The following PDE10A variants were observed in gnomAD, a reference collection of about 807,000 sequenced individuals.
PDE10A encodes cAMP and cAMP-inhibited cGMP 3',5'-cyclic phosphodiesterase 10A.
PDE10A carries 39 observed loss-of-function variants against 97.7 expected under a neutral mutation model. The ratio of observed to expected loss-of-function variants is 0.40; its 90% CI spans 0.31 to 0.52. PDE10A has a LOEUF of 0.52. PDE10A is among the 20% of genes least tolerant of loss of function. The pLI is 0.56. For missense variants in PDE10A, 731 were observed against 1,047.8 expected (o/e 0.70, Z 4.17); for synonymous variants, 371 against 376.8 (o/e 0.98, Z 0.18).
At chr6:165,785,330 A>G (rs1778464757) in intron 1 of PDE10A, among the ~76,000 whole-genome samples, 1 of 152,178 alleles carries the variant, frequency 6.6e-6, no homozygotes, top group African/African-American at 2.4e-5. Flanking sequence ...TTTCTAGACT[A>G]TGGACAGAAT....
chr6:165,561,452 T>G (rs553467714), intron 1 of PDE10A, among the ~76,000 whole-genome samples: 3 of 152,258 alleles, frequency 2.0e-5, no homozygotes, highest in South Asian at 4.1e-4. Context: ...ACAATAAGCC[T>G]ACAGTTCAAT....
chr6:165,946,207 A>G (rs1351837593), intron 1 of PDE10A, among the ~76,000 whole-genome samples: 1 of 152,192 alleles, frequency 6.6e-6, no homozygotes, highest in Non-Finnish European at 1.5e-5. Flanking sequence ...TAATAAGAAT[A>G]TATTGTCGGC....
At position 165,668,791 on chromosome 6, in the gene PDE10A, G is replaced by A. The variant is rs138543652; in HGVS notation, c.-614-125223C>T. ...AGGTAGGAAGGGAGGGAGGGAGGGA[G>A]GAAGGGGAAGGAAAGGAGGGAGGGA... On this transcript the variant is annotated intron_variant, in intron 1 of 19. Transcript: ENST00000366882. Among the ~76,000 whole-genome samples, 979 of 138,838 alleles carry A rather than the reference G, an allele frequency of 7.1e-3. 6 individuals are homozygous for A. The highest frequency in any genetic ancestry group is 0.024 in the African/African-American group (922 of 38,450). 91.1% of individuals were successfully genotyped at this position (138,838 alleles called of 152,430 possible).
chr6:165,418,706 T>A lies in PDE10A; in HGVS notation c.1725A>T (p.Leu575Phe). 1 of 1,613,730 alleles carries A rather than the reference T, an allele frequency of 6.2e-7. No individual in the cohort carries two copies. Among genetic ancestry groups the A allele is most frequent in the Non-Finnish European group, 8.5e-7 (1 of 1,179,738 alleles). Residue 575 changes from leucine to phenylalanine, a missense_variant, in exon 11 of 22, where the codon TTA (leucine) becomes TTT (phenylalanine). Physicochemically the swap from Leu to Phe is conservative, Grantham distance 22. Coordinates refer to ENST00000539869, the MANE Select transcript of PDE10A (RefSeq NM_001385079.1). The surrounding 1 kb of genome is among the most constrained non-coding windows in gnomAD (Gnocchi z 4.8). Reference sequence around the variant, plus strand: ...CTCCAATATCAAAAAGGTCTGAATATAACTCCTTGTTCTTATGGTCCACCT... The same window carrying A: ...CTCCAATATCAAAAAGGTCTGAATAAAACTCCTTGTTCTTATGGTCCACCT... The part of the protein sequence containing the change: ...LFQVDHKNKE[L>F]YSDLFDIGEE...
intron 1 of PDE10A, among the ~76,000 whole-genome samples, chr6:165,615,461 G>C (rs1787686820): frequency 6.6e-6 from 1 of 152,012 alleles, no homozygotes; most frequent in Non-Finnish European, 1.5e-5. Context: ...TTCTACGTGT[G>C]ACAAACAGAA....
At chr6:165,761,199 C>T (rs377656125) in intron 1 of PDE10A, among the ~76,000 whole-genome samples, 6 of 152,308 alleles carry the variant, frequency 3.9e-5, no homozygotes, top group African/African-American at 1.4e-4. Flanking sequence ...TTTTCTAACC[C>T]TTCAAAGTGT....
chr6:165,691,099 T>C (rs9459475), intron 1 of PDE10A, among the ~76,000 whole-genome samples: 38,744 of 52,254 alleles, frequency 0.74, 14,810 homozygotes, highest in Non-Finnish European at 0.82. Context: ...CTCTCTCTCT[T>C]TCTCTCTCCC....
chr6:165,503,672 TAGAA>T (rs746440611), intron 2 of PDE10A, among the ~76,000 whole-genome samples: 5 of 152,190 alleles, frequency 3.3e-5, no homozygotes, highest in Admixed American at 6.5e-5. Context: ...GAAGAAAAGT[TAGAA>T]AGAAGCCATT....
chr6:165,736,920 A>G (rs1449244987), intron 1 of PDE10A, among the ~76,000 whole-genome samples: 2 of 152,228 alleles, frequency 1.3e-5, no homozygotes, highest in African/African-American at 2.4e-5. Flanking sequence ...TTGACTAACA[A>G]AAAAGAGCAC....
intron 1 of PDE10A, among the ~76,000 whole-genome samples, chr6:165,890,050 C>T (rs1211541667): frequency 1.3e-4 from 18 of 136,002 alleles, no homozygotes; most frequent in Non-Finnish European, 1.9e-4. Flanking sequence ...CTCCCTCACT[C>T]TTCACTCCTC....
chr6:165,905,098 C>T (rs1310216167), intron 1 of PDE10A, among the ~76,000 whole-genome samples: 1 of 152,146 alleles, frequency 6.6e-6, no homozygotes, highest in African/African-American at 2.4e-5. Flanking sequence ...CTCCAAACTA[C>T]CACAGATGTA....
intron 1 of PDE10A, among the ~76,000 whole-genome samples, chr6:165,617,744 C>T (rs1267318247): frequency 6.6e-6 from 1 of 152,088 alleles, no homozygotes; most frequent in Admixed American, 6.6e-5. Flanking sequence ...ATCACTGGGA[C>T]TGAGCAAAGA....
intron 1 of PDE10A, among the ~76,000 whole-genome samples, chr6:165,824,985 A>AG (rs1779687202): frequency 6.7e-6 from 1 of 148,676 alleles, no homozygotes; most frequent in South Asian, 2.1e-4. Flanking sequence ...AAAAAAAAAA[A>AG]AAAAATACAA....
At chr6:165,448,733 C>A (rs1450716151) in intron 5 of PDE10A, among the ~76,000 whole-genome samples, 195 bp downstream of exon 5, 1 of 151,940 alleles carries the variant, frequency 6.6e-6, no homozygotes, top group Non-Finnish European at 1.5e-5. Context: ...CACACACACA[C>A]ACACACGATT....
chr6:165,648,158 G>A (rs1033869586), intron 1 of PDE10A, among the ~76,000 whole-genome samples: 3 of 152,012 alleles, frequency 2.0e-5, no homozygotes, highest in African/African-American at 7.3e-5. Flanking sequence ...GACTATAGGC[G>A]CCCACCACCA....
At chr6:165,564,722 T>G (rs1583550684) in intron 1 of PDE10A, among the ~76,000 whole-genome samples, 2 of 152,354 alleles carry the variant, frequency 1.3e-5, no homozygotes, top group East Asian at 3.9e-4. Context: ...AGTAACTGAC[T>G]TGGAGCTTGT....
chr6:165,805,462 A>G (rs1779109065), intron 1 of PDE10A, among the ~76,000 whole-genome samples: 1 of 152,148 alleles, frequency 6.6e-6, no homozygotes, highest in African/African-American at 2.4e-5. Context: ...CCAGTGGAGG[A>G]CAAAGGGGCC....
At chr6:165,888,506 G>A (rs1253274690) in intron 1 of PDE10A, among the ~76,000 whole-genome samples, 6 of 151,942 alleles carry the variant, frequency 3.9e-5, no homozygotes, top group South Asian at 2.1e-4. Context: ...GGATGGTGTC[G>A]ATCTCCTGAC....
At chr6:165,663,295 C>T (rs905975271), upstream of PDE10A, among the ~76,000 whole-genome samples, 1 of 151,920 alleles carries the variant, frequency 6.6e-6, no homozygotes, top group Non-Finnish European at 1.5e-5. Context: ...TCCGCGCCCA[C>T]GTAGCGCGCC....
Sources: allele counts gnomAD v4.1 joint callset (sites outside exome capture counted in the v4.1 genomes callset), GRCh38; gene constraint gnomAD v4.1.1; non-coding constraint Gnocchi (gnomAD v3.1); transcripts MANE v1.5; gene names NCBI Gene and HGNC (gene_info 2026-07-23, HGNC 2026-07-21).